Variants in GRID2 observed in about 807,000 individuals in gnomAD.
GRID2 encodes glutamate ionotropic receptor delta type subunit 2, also known as glutamate receptor ionotropic, delta-2.
A neutral mutation model predicts 114.8 loss-of-function variants in GRID2; 33 were observed. The observed-to-expected ratio is 0.29, with a 90% CI of 0.22 to 0.38. The LOEUF is 0.38. Among genes scored for constraint, GRID2 ranks in the 10% least tolerant of loss-of-function variants. GRID2 has a pLI of 1.00. For missense variants in GRID2, 1,184 were observed against 1,257.7 expected (o/e 0.94, Z 0.89); for synonymous variants, 505 against 449.9 (o/e 1.12, Z -1.55).
At chr4:93,352,203 T>C (rs79704323) in intron 8 of GRID2, among the ~76,000 whole-genome samples, 4 of 152,046 alleles carry the variant, frequency 2.6e-5, no homozygotes, top group Non-Finnish European at 5.9e-5. Context: ...GTGGAGATCA[T>C]TGAATCATAA....
intron 8 of GRID2, among the ~76,000 whole-genome samples, chr4:93,287,516 A>T (rs541645662): frequency 3.9e-5 from 6 of 152,334 alleles, no homozygotes; most frequent in Admixed American, 3.3e-4. Context: ...AGCCACTGAG[A>T]GAAGAGACTA....
At chr4:93,161,074 G>A (rs1579154190) in intron 4 of GRID2, among the ~76,000 whole-genome samples, 2 of 151,788 alleles carry the variant, frequency 1.3e-5, no homozygotes, top group South Asian at 2.1e-4. Flanking sequence ...TGTAGCGGTA[G>A]CATATCATAC....
rs1419491136 is a variant in GRID2, at chr4:92,327,091, T to G, written c.88+22347T>G. ...AATTTAAAAAAGGCAAAATATTTCT[T>G]CTACTGAGTGGTCATTAAAATATCC... On this transcript the variant is annotated intron_variant, in intron 1 of 15. Coordinates refer to ENST00000282020, the MANE Select transcript of GRID2 (RefSeq NM_001510.4). Among the ~76,000 whole-genome samples the G allele has an allele frequency of 2.6e-5, 4 of 152,006 alleles. No individual in the cohort carries two copies. In the East Asian group the frequency reaches 7.7e-4, roughly 29 times the overall value.
rs190171309 is a variant in GRID2 at position 92,412,488 on chromosome 4, T to C, written c.88+107744T>C. On this transcript the variant is annotated intron_variant, in intron 1 of 15. Transcript: ENST00000282020. ...CTAGAAAACAATGTTTTCTACAATA[T>C]TGATTTGTAATTTTTATATTTTTCC... is the stretch of plus-strand genomic sequence containing the variant. Among the ~76,000 whole-genome samples the C allele has an allele frequency of 2.7e-4, 41 of 152,302 alleles. No homozygotes were observed. The East Asian group carries it at 5.6e-3, about 21-fold the overall frequency.
intron 2 of GRID2, among the ~76,000 whole-genome samples, chr4:92,924,308 G>A (rs1749627445): frequency 6.6e-6 from 1 of 151,880 alleles, no homozygotes; most frequent in Non-Finnish European, 1.5e-5. Flanking sequence ...TAAATGACGA[G>A]TTAATGGGTT....
chr4:92,955,802 A>C (rs1752362946), intron 2 of GRID2, among the ~76,000 whole-genome samples: 1 of 152,116 alleles, frequency 6.6e-6, no homozygotes, highest in African/African-American at 2.4e-5. Flanking sequence ...TATAAGGTGT[A>C]AGGAAGGGAT....
At chr4:93,140,440 G>A (rs1275750777) in intron 4 of GRID2, among the ~76,000 whole-genome samples, 2 of 152,112 alleles carry the variant, frequency 1.3e-5, no homozygotes, top group Non-Finnish European at 2.9e-5. Context: ...TTACAGGCGT[G>A]AGCCACCGCG....
At chr4:93,205,155 G>A (rs578151776) in intron 4 of GRID2, among the ~76,000 whole-genome samples, 1 of 150,964 alleles carries the variant, frequency 6.6e-6, no homozygotes, top group African/African-American at 2.4e-5. Flanking sequence ...TCTCTTAGAT[G>A]TTTAAAGTAA....
chr4:93,554,371 A>G (rs1336389413), intron 13 of GRID2, among the ~76,000 whole-genome samples: 1 of 152,002 alleles, frequency 6.6e-6, no homozygotes, highest in Non-Finnish European at 1.5e-5. Context: ...AGAAGCTTGA[A>G]TCTTCTTTTC....
chr4:93,102,230 A>AT (rs1171911381), intron 3 of GRID2, among the ~76,000 whole-genome samples: 1 of 152,176 alleles, frequency 6.6e-6, no homozygotes, highest in Non-Finnish European at 1.5e-5. Flanking sequence ...AAACTACTGC[A>AT]TTGGGACAAC....
chr4:93,481,154 T>C (rs1725825291), intron 11 of GRID2, among the ~76,000 whole-genome samples: 1 of 152,054 alleles, frequency 6.6e-6, no homozygotes, highest in African/African-American at 2.4e-5. Context: ...TCAATTATTT[T>C]GGGACCTAAT....
At chr4:92,513,200 C>T (rs1724341086) in intron 1 of GRID2, among the ~76,000 whole-genome samples, 1 of 151,858 alleles carries the variant, frequency 6.6e-6, no homozygotes, top group Non-Finnish European at 1.5e-5. Flanking sequence ...TTGCCCCTAT[C>T]TTACCAATAG....
intron 4 of GRID2, among the ~76,000 whole-genome samples, chr4:93,165,150 A>T (rs1738126762): frequency 6.6e-6 from 1 of 152,092 alleles, no homozygotes; most frequent in Non-Finnish European, 1.5e-5. Flanking sequence ...ATTGCAAAGA[A>T]ATATAAATTA....
At chr4:92,568,397 A>C (rs1279628617) in intron 1 of GRID2, among the ~76,000 whole-genome samples, 2 of 151,862 alleles carry the variant, frequency 1.3e-5, no homozygotes, top group African/African-American at 2.4e-5. Context: ...CTTTTACAAC[A>C]ATCTTTTGTC....
At chr4:93,242,738 A>C (rs1338156773) in intron 8 of GRID2, among the ~76,000 whole-genome samples, 1 of 151,898 alleles carries the variant, frequency 6.6e-6, no homozygotes, top group Non-Finnish European at 1.5e-5. Flanking sequence ...CATTATCCTA[A>C]GGCTGGGTAG....
chr4:93,798,822 G>A (rs1245639040), intron 1 of GRID2, among the ~76,000 whole-genome samples: 1 of 152,320 alleles, frequency 6.6e-6, no homozygotes, highest in East Asian at 1.9e-4. Flanking sequence ...TGGACCAGGA[G>A]GCCAGAGCCC....
At chr4:92,339,988 T>C (rs1011777748) in intron 1 of GRID2, among the ~76,000 whole-genome samples, 23 of 152,288 alleles carry the variant, frequency 1.5e-4, no homozygotes, top group African/African-American at 5.5e-4. Flanking sequence ...AGTTTAAGAA[T>C]GGTTGTGGCA....
chr4:92,569,391 A>G (rs147548602), intron 1 of GRID2, among the ~76,000 whole-genome samples: 1 of 152,104 alleles, frequency 6.6e-6, no homozygotes, highest in Non-Finnish European at 1.5e-5. Flanking sequence ...GTTTAGGTTG[A>G]TTCCGTGTCT....
intron 4 of GRID2, among the ~76,000 whole-genome samples, chr4:93,132,891 G>A (rs985012973): frequency 4.6e-5 from 7 of 152,134 alleles, no homozygotes; most frequent in Admixed American, 2.6e-4. Context: ...TGAGTGGAAC[G>A]CTTACTTTTT....
Sources: gnomAD v4.1 joint callset for allele counts (sites outside exome capture counted in the v4.1 genomes callset) on GRCh38, gnomAD v4.1.1 for gene constraint, MANE v1.5 for transcripts, NCBI Gene and HGNC (gene_info 2026-07-23, HGNC 2026-07-21) for gene names.